The following LDLRAD4 variants were observed in gnomAD, a reference collection of about 807,000 sequenced individuals.
The protein encoded by LDLRAD4 is low density lipoprotein receptor class A domain containing 4.
A neutral mutation model predicts 17.0 loss-of-function variants in LDLRAD4; 5 were observed. That is an observed-to-expected ratio of 0.29 (90% CI 0.15 to 0.62). LDLRAD4 has a LOEUF of 0.62. LDLRAD4 is among the 20% of genes least tolerant of loss of function. The probability of loss-of-function intolerance (pLI) is 0.84; values close to 1 mark genes in which losing one functional copy is unlikely to be tolerated. For synonymous variants in LDLRAD4, 168 were observed against 171.8 expected (o/e 0.98, Z 0.17); for missense variants, 340 against 424.7 (o/e 0.80, Z 1.75).
intron 1 of LDLRAD4, among the ~76,000 whole-genome samples, chr18:13,341,928 G>GT (rs2082393026): frequency 1.3e-5 from 2 of 151,944 alleles, no homozygotes; most frequent in South Asian, 4.2e-4. Context: ...TTTATTGAGT[G>GT]TTTTTTAAAA....
chr18:13,550,603 G>T (rs2094422010), intron 3 of LDLRAD4, among the ~76,000 whole-genome samples: 1 of 152,260 alleles, frequency 6.6e-6, no homozygotes, highest in African/African-American at 2.4e-5. Flanking sequence ...CGATGTTGAT[G>T]CCATCAAGAC....
rs566286788 is a variant in LDLRAD4, at chr18:13,436,954, C to CA, written c.41-1285dup. 6.6e-5 allele frequency among the ~76,000 whole-genome samples: 10 copies of CA among 152,348 alleles called. No individual in the cohort carries two copies. The East Asian group carries it at 1.9e-3, about 29-fold the overall frequency. ...ATAATACGCTTTTTATACAGGTTCACAAAAATACTTTGAGGACTCTTAAGT... is the reference window on the plus strand; with the variant it reads ...ATAATACGCTTTTTATACAGGTTCACAAAAAATACTTTGAGGACTCTTAAGT... On this transcript the variant is annotated intron_variant, in intron 2 of 5. Coordinates refer to ENST00000359446, the Ensembl canonical transcript of LDLRAD4.
At chr18:13,385,264 C>G (rs2085712886) in intron 1 of LDLRAD4, among the ~76,000 whole-genome samples, 1 of 152,176 alleles carries the variant, frequency 6.6e-6, no homozygotes, top group Admixed American at 6.5e-5. Flanking sequence ...ATATATCTGT[C>G]AGCCATTTGT....
chr18:13,555,611 A>G lies in LDLRAD4; in HGVS notation c.182-65506A>G, dbSNP rs575786166. ...TGTCTATTATTTGTTATTTAGCCCT[A>G]TAAGGCATATAGCAGTTGCTACCCT... On this transcript the variant is annotated intron_variant, in intron 3 of 5. Transcript: ENST00000359446. Among the ~76,000 whole-genome samples, 142 of 152,360 alleles carry G rather than the reference A, an allele frequency of 9.3e-4. 1 individual carries two copies. The highest frequency in any genetic ancestry group is 8.7e-3 in the South Asian group (42 of 4,826).
At chr18:13,642,440 C>G in intron 4 of LDLRAD4, 1 of 1,175,006 alleles carries the variant, frequency 8.5e-7, no homozygotes, top group Non-Finnish European at 1.0e-6. Flanking sequence ...AGAACCTTTA[C>G]TGAGGCCTGT....
intron 1 of LDLRAD4, among the ~76,000 whole-genome samples, chr18:13,292,781 A>G (rs1391238125): frequency 1.3e-5 from 2 of 151,700 alleles, no homozygotes; most frequent in Non-Finnish European, 2.9e-5. Context: ...GTGGCCTTCT[A>G]CTTTGTGGGA....
chr18:13,451,104 G>C (rs1269855139), intron 3 of LDLRAD4, among the ~76,000 whole-genome samples: 1 of 152,204 alleles, frequency 6.6e-6, no homozygotes, highest in Non-Finnish European at 1.5e-5. Flanking sequence ...ACTGAAGCCT[G>C]AGATTACGTG....
intron 3 of LDLRAD4, among the ~76,000 whole-genome samples, chr18:13,595,238 A>G (rs1244884704): frequency 6.6e-6 from 1 of 151,036 alleles, no homozygotes; most frequent in Non-Finnish European, 1.5e-5. Context: ...AATCTTTGTT[A>G]TTTCCTTCTT....
intron 1 of LDLRAD4, among the ~76,000 whole-genome samples, chr18:13,284,175 T>A (rs2146305486): frequency 6.6e-6 from 1 of 152,290 alleles, no homozygotes; most frequent in East Asian, 1.9e-4. Context: ...GGATGCCGAA[T>A]GCCCTTGTTC....
chr18:13,449,065 T>C (rs2091622076), intron 3 of LDLRAD4, among the ~76,000 whole-genome samples: 1 of 152,210 alleles, frequency 6.6e-6, no homozygotes, highest in Admixed American at 6.5e-5. Flanking sequence ...TATTTTTTGC[T>C]TCCTTCCCAG....
intron 1 of LDLRAD4, among the ~76,000 whole-genome samples, chr18:13,298,764 G>A (rs773818840): frequency 2.0e-4 from 30 of 152,214 alleles, no homozygotes; most frequent in African/African-American, 3.4e-4. Flanking sequence ...GACGTGCTGC[G>A]GGGCCACTGG....
chr18:13,546,408 G>A (rs2094364619), intron 3 of LDLRAD4, among the ~76,000 whole-genome samples: 1 of 131,162 alleles, frequency 7.6e-6, no homozygotes, highest in Non-Finnish European at 1.5e-5. Flanking sequence ...TTGCCCTGTT[G>A]CCCAGGCTGG....
intron 3 of LDLRAD4, among the ~76,000 whole-genome samples, chr18:13,550,815 C>T (rs1301783574): frequency 1.3e-5 from 2 of 152,180 alleles, no homozygotes; most frequent in Admixed American, 6.5e-5. Flanking sequence ...TGTCCAGAAC[C>T]TGGCTCCAAG....
At chr18:13,532,241 G>T (rs548595796) in intron 3 of LDLRAD4, among the ~76,000 whole-genome samples, 1 of 152,338 alleles carries the variant, frequency 6.6e-6, no homozygotes, top group South Asian at 2.1e-4. Context: ...AAGAGCGATT[G>T]GGAGGGGCAG....
At chr18:13,390,434 G>T (rs984655296) in intron 2 of LDLRAD4, among the ~76,000 whole-genome samples, 13 of 152,336 alleles carry the variant, frequency 8.5e-5, no homozygotes, top group African/African-American at 2.6e-4. Flanking sequence ...GTGGCCTTGG[G>T]TACACACGGG....
intron 1 of LDLRAD4, among the ~76,000 whole-genome samples, chr18:13,338,859 T>C (rs1384479567): frequency 6.6e-6 from 1 of 152,198 alleles, no homozygotes; most frequent in African/African-American, 2.4e-5. Flanking sequence ...AAATGATGCT[T>C]TCCACTGGTT....
intron 2 of LDLRAD4, among the ~76,000 whole-genome samples, chr18:13,434,413 A>G (rs1279703462): frequency 6.6e-6 from 1 of 152,094 alleles, no homozygotes; most frequent in Non-Finnish European, 1.5e-5. Context: ...TTCCTGAGCA[A>G]CTCATTCTGT....
intron 3 of LDLRAD4, among the ~76,000 whole-genome samples, chr18:13,574,380 G>A (rs555787173): frequency 1.2e-4 from 19 of 152,224 alleles, no homozygotes; most frequent in South Asian, 6.2e-4. Flanking sequence ...ACAGTGTGCC[G>A]TCCAGACCCC....
At chr18:13,523,515 C>T (rs1370476126) in intron 3 of LDLRAD4, among the ~76,000 whole-genome samples, 2 of 152,188 alleles carry the variant, frequency 1.3e-5, no homozygotes, top group African/African-American at 2.4e-5. Flanking sequence ...CGCCTTGATC[C>T]CAGCCTCAGG....
Sources: gnomAD v4.1 joint callset for allele counts (sites outside exome capture counted in the v4.1 genomes callset) on GRCh38, gnomAD v4.1.1 for gene constraint, MANE v1.5 for transcripts, NCBI Gene and HGNC (gene_info 2026-07-23, HGNC 2026-07-21) for gene names.